RBFOX1: variants seen among roughly 807,000 people sequenced by gnomAD.
The protein encoded by RBFOX1 is RNA binding fox-1 homolog 1.
RBFOX1 carries 8 observed loss-of-function variants against 57.7 expected under a neutral mutation model. That is an observed-to-expected ratio of 0.14 (90% CI 0.08 to 0.25). RBFOX1 has a LOEUF of 0.25. Among genes scored for constraint, RBFOX1 ranks in the 10% least tolerant of loss-of-function variants. RBFOX1 has a pLI of 1.00. For missense variants in RBFOX1, 611 were observed against 548.5 expected (o/e 1.11, Z -1.14); for synonymous variants, 326 against 222.4 (o/e 1.47, Z -4.15).
At chr16:6,668,265 A>G (rs940582095) in intron 3 of RBFOX1, among the ~76,000 whole-genome samples, 3 of 152,222 alleles carry the variant, frequency 2.0e-5, no homozygotes, top group East Asian at 3.8e-4. Flanking sequence ...AGATTGTGGC[A>G]TGTGGGTTCT....
At chr16:5,723,856 T>C (rs1033141831) in intron 3 of RBFOX1, among the ~76,000 whole-genome samples, 1 of 152,236 alleles carries the variant, frequency 6.6e-6, no homozygotes, top group Non-Finnish European at 1.5e-5. Flanking sequence ...CTTGCACCAT[T>C]GTTTTCCTTA....
chr16:6,186,424 T>G (rs1302658498), intron 1 of RBFOX1, among the ~76,000 whole-genome samples: 3 of 152,132 alleles, frequency 2.0e-5, no homozygotes, highest in African/African-American at 7.2e-5. Context: ...AGCACAAGAA[T>G]GAATACATTG....
chr16:7,347,644 C>T (rs1006859016), intron 4 of RBFOX1, among the ~76,000 whole-genome samples: 1 of 152,202 alleles, frequency 6.6e-6, no homozygotes, highest in Non-Finnish European at 1.5e-5. Flanking sequence ...GGCTGTCACA[C>T]TACTGTGACT....
chr16:5,433,339 C>G (rs1404337551), intron 1 of RBFOX1, among the ~76,000 whole-genome samples: 3 of 152,310 alleles, frequency 2.0e-5, no homozygotes, highest in East Asian at 3.9e-4. Context: ...CCTTCCTGCT[C>G]TCTGCCTCCT....
chr16:6,189,684 C>G (rs1413940636), intron 1 of RBFOX1, among the ~76,000 whole-genome samples: 1 of 152,208 alleles, frequency 6.6e-6, no homozygotes, highest in Non-Finnish European at 1.5e-5. Flanking sequence ...CACCTGTTGT[C>G]TCTCTCCAGT....
At chr16:5,305,093 T>C (rs143585863) in intron 1 of RBFOX1, among the ~76,000 whole-genome samples, 3 of 152,234 alleles carry the variant, frequency 2.0e-5, no homozygotes, top group Non-Finnish European at 4.4e-5. Context: ...AGGGGGTAGA[T>C]ACTGAACGAA....
At chr16:6,360,326 G>T (rs78769777) in intron 2 of RBFOX1, among the ~76,000 whole-genome samples, 14,472 of 151,916 alleles carry the variant, frequency 0.095, 824 homozygotes, top group Middle Eastern at 0.16. Flanking sequence ...GAAAAACTTG[G>T]ACTGTTATTG....
chr16:5,884,377 T>G (rs1331440610), intron 4 of RBFOX1, among the ~76,000 whole-genome samples: 1 of 152,102 alleles, frequency 6.6e-6, no homozygotes, highest in Admixed American at 6.5e-5. Flanking sequence ...TTCAGCTCTG[T>G]AGGGCTTTGC....
At position 7,493,339 on chromosome 16, in the gene RBFOX1, C is replaced by T. The variant is rs1037793251; in HGVS notation, c.28-24808C>T. On this transcript the variant is annotated intron_variant, in intron 4 of 15. Transcript: ENST00000550418. ...ATATGGAATATTTCTGTCATCTCAG[C>T]AAGTTTTATTGGACAGTCTTCCCCT... Among the ~76,000 whole-genome samples the T allele has an allele frequency of 4.6e-5, 7 of 152,312 alleles. No homozygotes were observed. In the South Asian group the frequency reaches 8.3e-4, roughly 18 times the overall value.
At chr16:5,366,442 G>T in intron 1 of RBFOX1, 2 of 448,362 alleles carry the variant, frequency 4.5e-6, no homozygotes, top group South Asian at 3.5e-5. Context: ...AAAATGAAAA[G>T]ACTCAGAACC....
At chr16:5,404,045 G>A (rs1000866517) in intron 1 of RBFOX1, among the ~76,000 whole-genome samples, 7 of 144,098 alleles carry the variant, frequency 4.9e-5, no homozygotes, top group South Asian at 2.4e-4. Context: ...CAGAATGGGT[G>A]GAAAGCAGCT....
chr16:7,034,951 C>T (rs2043949162), intron 3 of RBFOX1, among the ~76,000 whole-genome samples: 2 of 145,340 alleles, frequency 1.4e-5, no homozygotes, highest in South Asian at 4.5e-4. Context: ...CCGGTTCTAT[C>T]GATTCTCATT....
intron 4 of RBFOX1, among the ~76,000 whole-genome samples, chr16:5,960,119 T>G (rs2059719580): frequency 6.6e-6 from 1 of 152,120 alleles, no homozygotes; most frequent in Non-Finnish European, 1.5e-5. Flanking sequence ...GAGAATTGCT[T>G]GAACCCAAGT....
chr16:5,811,023 T>G (rs2055406642), intron 3 of RBFOX1, among the ~76,000 whole-genome samples: 1 of 152,092 alleles, frequency 6.6e-6, no homozygotes, highest in African/African-American at 2.4e-5. Flanking sequence ...ACCTTTGCAG[T>G]CCCTCGCTCC....
chr16:7,654,640 GAA>G (rs200225285), intron 12 of RBFOX1, among the ~76,000 whole-genome samples: 6 of 149,476 alleles, frequency 4.0e-5, no homozygotes, highest in East Asian at 2.0e-4. Flanking sequence ...CTCAGTAAAA[GAA>G]AAAAAAAAAT....
intron 2 of RBFOX1, among the ~76,000 whole-genome samples, chr16:6,562,886 T>TTTC (rs2097201926): frequency 1.4e-5 from 2 of 140,694 alleles, no homozygotes; most frequent in Non-Finnish European, 3.1e-5. Context: ...CTTTCTTTTT[T>TTTC]TTTTTTTTTT....
chr16:5,816,948 G>C (rs2055664156), intron 3 of RBFOX1, among the ~76,000 whole-genome samples: 1 of 152,168 alleles, frequency 6.6e-6, no homozygotes, highest in African/African-American at 2.4e-5. Flanking sequence ...TCCTCTCTGT[G>C]TTCTCTTTGT....
intron 7 of RBFOX1, among the ~76,000 whole-genome samples, chr16:7,593,438 A>G (rs2094542267): frequency 6.6e-6 from 1 of 152,122 alleles, no homozygotes; most frequent in Non-Finnish European, 1.5e-5. Context: ...CATACCCAAT[A>G]TGGGCATACT....
intron 2 of RBFOX1, among the ~76,000 whole-genome samples, chr16:6,548,867 G>C (rs1391976451): frequency 1.3e-5 from 2 of 151,848 alleles, no homozygotes; most frequent in African/African-American, 2.4e-5. Flanking sequence ...CTTGAGGTCA[G>C]GAGTTGGAGA....
Sources: allele counts gnomAD v4.1 joint callset (sites outside exome capture counted in the v4.1 genomes callset), GRCh38; gene constraint gnomAD v4.1.1; transcripts MANE v1.5; gene names NCBI Gene and HGNC (gene_info 2026-07-23, HGNC 2026-07-21).